Variants in OR10H1 observed in about 807,000 individuals in gnomAD.
OR10H1 encodes the protein olfactory receptor family 10 subfamily H member 1.
A neutral mutation model predicts 13.1 loss-of-function variants in OR10H1; 12 were observed. The observed-to-expected ratio is 0.92, with a 90% CI of 0.59 to 1.48. The LOEUF is 1.48. OR10H1 is among the 40% of genes most tolerant of loss of function. The probability of loss-of-function intolerance (pLI) is 0.00; values close to 1 mark genes in which losing one functional copy is unlikely to be tolerated. For missense variants in OR10H1, 363 were observed against 413.1 expected (o/e 0.88, Z 1.05); for synonymous variants, 168 against 175.6 (o/e 0.96, Z 0.34).
chr19:15,810,318 A>G (rs2088926325), intron 2 of OR10H1, among the ~76,000 whole-genome samples: 1 of 147,806 alleles, frequency 6.8e-6, no homozygotes, highest in South Asian at 2.1e-4. Context: ...AAAAAGGAGT[A>G]AACTACCACT....
Position 15,805,908 on chromosome 19 carries a change from A to G in OR10H1, c.*1173T>C, listed in dbSNP as rs2088893454. 6.6e-6 allele frequency: 1 copy of G among 152,180 alleles called. No homozygotes were observed. Among genetic ancestry groups the G allele is most frequent in the African/African-American group, 2.4e-5 (1 of 41,432 alleles). The allele number at this position is 152,180 out of a possible 1,614,324, so 9.4% of individuals were successfully genotyped here. ...ATGAAGACATCTCAGTCTCTCCACA[A>G]CTATTCAAGACTCACACTTGAAATT... is the stretch of plus-strand genomic sequence containing the variant. On this transcript the variant is annotated 3_prime_UTR_variant, in exon 4 of 4. Coordinates refer to ENST00000641419, the MANE Select transcript of OR10H1 (RefSeq NM_013940.4).
rs8103631 is a variant in OR10H1, at chr19:15,807,623, G to A, written c.415C>T (p.Arg139Trp). Reference sequence around the variant, plus strand: ...CAGCCCACCAGGCAGGCGCAGCCCCGCGGGCTCATGAGCACGTTGTAGCGC... The same window carrying A: ...CAGCCCACCAGGCAGGCGCAGCCCCACGGGCTCATGAGCACGTTGTAGCGC... Reference protein sequence around the residue: ...PLRYNVLMSPRGCACLVGCSW... With the variant: ...PLRYNVLMSPWGCACLVGCSW... Residue 139 changes from arginine to tryptophan, a missense_variant, in exon 4 of 4, where the codon CGG (arginine) becomes TGG (tryptophan). Transcript: ENST00000641419. 2.6e-4 allele frequency: 426 copies of A among 1,614,196 alleles called. 1 individual carries two copies. The highest frequency in any genetic ancestry group is 2.5e-3 in the African/African-American group (187 of 75,050).
chr19:15,811,489 T>C (rs1020083295), intron 2 of OR10H1, among the ~76,000 whole-genome samples: 2 of 152,210 alleles, frequency 1.3e-5, no homozygotes, highest in South Asian at 2.1e-4. Context: ...TGCTCAGTCA[T>C]GACAACCAAA....
At chr19:15,810,293 CAAAAAA>C (rs56079033) in intron 2 of OR10H1, among the ~76,000 whole-genome samples, 1 of 107,356 alleles carries the variant, frequency 9.3e-6, no homozygotes, top group Non-Finnish European at 1.8e-5. Context: ...GACTCCTTCT[CAAAAAA>C]AAAAAAAAAA....
In OR10H1 at chr19:15,809,439, C is replaced by T. The variant is rs549612435; in HGVS notation, c.-128-598G>A. Among the ~76,000 whole-genome samples the T allele has an allele frequency of 2.6e-5, 4 of 152,116 alleles. No individual in the cohort carries two copies. In the East Asian group the frequency reaches 5.8e-4, roughly 22 times the overall value. On this transcript the variant is annotated intron_variant, in intron 2 of 3. Coordinates refer to ENST00000641419, the MANE Select transcript of OR10H1 (RefSeq NM_013940.4). Reference sequence around the variant, plus strand: ...CCAAGTAGCTGGGACTACAGGCACACACCACCTCACCCAGCTAATGTTTTA... The same window carrying T: ...CCAAGTAGCTGGGACTACAGGCACATACCACCTCACCCAGCTAATGTTTTA...
At position 15,813,381 on chromosome 19, in the gene OR10H1, C is replaced by G. The variant is rs145420444; in HGVS notation, c.-777-503G>C. 5.8e-3 allele frequency among the ~76,000 whole-genome samples: 886 copies of G among 151,892 alleles called. 5 individuals carry two copies. Among genetic ancestry groups the G allele is most frequent in the Non-Finnish European group, 9.8e-3 (664 of 67,982 alleles). On this transcript the variant is annotated intron_variant, in intron 1 of 3. Coordinates refer to ENST00000641419, the MANE Select transcript of OR10H1 (RefSeq NM_013940.4). The stretch of plus-strand genomic sequence containing the variant: ...GAGCTTCTGGGCATTGATTCACCAG[C>G]AGAACATCCAGTGGGTTCCTCTGTA...
At position 15,807,867 on chromosome 19, in the gene OR10H1, C is replaced by A. The variant is rs370227017; in HGVS notation, c.171G>T (p.Thr57=). The change falls in exon 4 of 4, where the codon ACG becomes ACT. Residue 57 remains threonine, a synonymous_variant. Coordinates refer to ENST00000641419, the MANE Select transcript of OR10H1 (RefSeq NM_013940.4). ...GGGCGCACAGGAAGAGGTACATGGG[C>A]GTGTGGAGGCTGCGCTCGCTCCAGA... The part of the protein sequence containing the change: ...ATVWSERSLH[T]PMYLFLCALS... 8 of 1,613,480 alleles carry A rather than the reference C, an allele frequency of 5.0e-6. No individual in the cohort carries two copies. The African/African-American group carries it at 5.3e-5, about 11-fold the overall frequency.
rs887643714 is a variant in OR10H1, at chr19:15,807,223, T to A, written c.815A>T (p.Asp272Val). ...KPKSPQSLEG[D>V]TLMGITYTVL... ...CGTGTAGGTGATGCCCATCAAGGTGTCTCCTTCCAGAGACTGGGGACTTTT... is the reference window on the plus strand; with the variant it reads ...CGTGTAGGTGATGCCCATCAAGGTGACTCCTTCCAGAGACTGGGGACTTTT... The change falls in exon 4 of 4, where the codon GAC becomes GTC. Residue 272 changes from aspartate (D) to valine (V), a missense_variant. By Grantham distance (152) the Asp-to-Val change is radical (BLOSUM62 -3). This residue lies in a region of OR10H1 where 318 missense variants were observed against 366.6 expected (regional missense o/e 0.87). Transcript: ENST00000641419. 2 of 1,613,956 alleles carry A rather than the reference T, an allele frequency of 1.2e-6. No individual in the cohort carries two copies. Among genetic ancestry groups the A allele is most frequent in the Non-Finnish European group, 1.7e-6 (2 of 1,179,990 alleles).
At chr19:15,814,483 GA>G (rs1215457747) in intron 1 of OR10H1, among the ~76,000 whole-genome samples, 5 of 32,716 alleles carry the variant, frequency 1.5e-4, no homozygotes, top group African/African-American at 5.9e-4. Flanking sequence ...GTGTGTGTGA[GA>G]GAGAGAGAGA....
In OR10H1 at chr19:15,807,133, A is replaced by G; in HGVS notation, c.905T>C (p.Met302Thr). 6.2e-7 allele frequency: 1 copy of G among 1,614,144 alleles called. No individual in the cohort carries two copies. The highest frequency in any genetic ancestry group is 8.5e-7 in the Non-Finnish European group (1 of 1,180,016). ...GAGTTTACTGAAGAAGGTCTTCTTC[A>G]TGGCGACCTTCAGCTCCTTGTTCCT... ...SLRNKELKVA[M>T]KKTFFSKLYP... is the part of the protein sequence containing the mutation. The change falls in exon 4 of 4, where the codon ATG becomes ACG. Residue 302 changes from methionine to threonine, a missense_variant. Physicochemically the swap from Met to Thr is moderately conservative, Grantham distance 81. Coordinates refer to ENST00000641419, the MANE Select transcript of OR10H1 (RefSeq NM_013940.4).
Position 15,807,196 on chromosome 19 carries a change from A to T in OR10H1, c.842T>A (p.Val281Asp), listed in dbSNP as rs532963043. 1 of 1,614,036 alleles carries T rather than the reference A, an allele frequency of 6.2e-7. No homozygotes were observed. Among genetic ancestry groups the T allele is most frequent in the Admixed American group, 1.7e-5 (1 of 59,988 alleles). The change falls in exon 4 of 4, where the codon GTC (valine) becomes GAC (aspartate). Residue 281 changes from valine to aspartate, a missense_variant. Val to Asp is a radical substitution (Grantham distance 152, BLOSUM62 -3). This residue lies in a region of OR10H1 where 3 missense variants were observed against 16.3 expected (regional missense o/e 0.18). Transcript: ENST00000641419. ...GATGGGGCTGAGGAAGGGTGTGAGG[A>T]CCGTGTAGGTGATGCCCATCAAGGT... ...GDTLMGITYT[V>D]LTPFLSPIIF...
rs4808382 is a variant in OR10H1, at chr19:15,807,844, G to A, written c.194C>T (p.Ala65Val). ...LHTPMYLFLC[A>V]LSVSEILYTV... ...GTAGAGGATCTCGGAGACGGAGAGG[G>A]CGCACAGGAAGAGGTACATGGGCGT... is the stretch of plus-strand genomic sequence containing the variant. Residue 65 changes from alanine to valine, a missense_variant, in exon 4 of 4, where the codon GCC (alanine) becomes GTC (valine). Physicochemically the swap from Ala to Val is moderately conservative, Grantham distance 64. Coordinates refer to ENST00000641419, the MANE Select transcript of OR10H1 (RefSeq NM_013940.4). 206,016 of 1,426,072 alleles carry A rather than the reference G, an allele frequency of 0.14. 28,909 individuals carry two copies. The highest frequency in any genetic ancestry group is 0.18 in the South Asian group (15,023 of 83,996). The allele number at this position is 1,426,072 out of a possible 1,614,324, so 88.3% of individuals were successfully genotyped here.
At position 15,805,116 on chromosome 19, in the gene OR10H1, A is replaced by T. The variant is rs961094588; in HGVS notation, c.*1965T>A. 2 of 151,620 alleles carry T rather than the reference A, an allele frequency of 1.3e-5. No individual in the cohort carries two copies. The highest frequency in any genetic ancestry group is 2.4e-5 in the African/African-American group (1 of 41,238). The allele number at this position is 151,620 out of a possible 1,614,324, so 9.4% of individuals were successfully genotyped here. ...TGTTTGAGTTCATTGTAGATTCTGG[A>T]TATTAGCCCTTTGTCAGATGAGTAG... On this transcript the variant is annotated 3_prime_UTR_variant, in exon 4 of 4. Coordinates refer to ENST00000641419, the MANE Select transcript of OR10H1 (RefSeq NM_013940.4).
intron 2 of OR10H1, among the ~76,000 whole-genome samples, chr19:15,809,701 G>C (rs1191806706): frequency 3.3e-5 from 5 of 152,188 alleles, no homozygotes; most frequent in Non-Finnish European, 5.9e-5. Flanking sequence ...GCATGCAGTA[G>C]ATGCTACATA....
At chr19:15,810,393 G>A (rs1257059374) in intron 2 of OR10H1, among the ~76,000 whole-genome samples, 1 of 150,764 alleles carries the variant, frequency 6.6e-6, no homozygotes, top group Admixed American at 6.7e-5. Context: ...CATACGAGAT[G>A]GGGCCTTTTG....
chr19:15,814,474 TGTGTGTGAGAGA>T (rs71176792), intron 1 of OR10H1, among the ~76,000 whole-genome samples: 176 of 31,300 alleles, frequency 5.6e-3, no homozygotes, highest in East Asian at 0.017. Context: ...TGTGTGTGTG[TGTGTGTGAGAGA>T]GAGAGAGAGA....
At chr19:15,814,900 G>T (rs554933451) in intron 1 of OR10H1, among the ~76,000 whole-genome samples, 1 of 151,988 alleles carries the variant, frequency 6.6e-6, no homozygotes, top group Non-Finnish European at 1.5e-5. Context: ...TCCTTTTTCC[G>T]TAGACTTCTT....
chr19:15,814,277 G>T (rs979887970), intron 1 of OR10H1, among the ~76,000 whole-genome samples: 1 of 152,022 alleles, frequency 6.6e-6, no homozygotes, highest in Non-Finnish European at 1.5e-5. Flanking sequence ...TTGTCTCTGA[G>T]ACCCCATCTG....
At position 15,807,442 on chromosome 19, in the gene OR10H1, C is replaced by T. The variant is rs747274972; in HGVS notation, c.596G>A (p.Gly199Asp). ...GGCCGTGATACACACCAAGCCCACG[C>T]CTTTGGCCACCACCAGCACATCGTC... is the stretch of plus-strand genomic sequence containing the variant. ...CGDDVLVVAK[G>D]VGLVCITALL... Residue 199 changes from glycine (G) to aspartate (D), a missense_variant, in exon 4 of 4, where the codon GGC (glycine) becomes GAC (aspartate). Physicochemically the swap from Gly to Asp is moderately conservative, Grantham distance 94 (BLOSUM62 -1). Transcript: ENST00000641419. 1 of 1,614,102 alleles carries T rather than the reference C, an allele frequency of 6.2e-7. No homozygotes were observed. The highest frequency in any genetic ancestry group is 8.5e-7 in the Non-Finnish European group (1 of 1,180,050).
Sources: allele counts gnomAD v4.1 joint callset (sites outside exome capture counted in the v4.1 genomes callset), GRCh38; gene constraint gnomAD v4.1.1; regional missense constraint gnomAD v4.1.1; transcripts MANE v1.5; gene names NCBI Gene and HGNC (gene_info 2026-07-23, HGNC 2026-07-21).